The following CADM2 variants were observed in gnomAD, a reference collection of about 807,000 sequenced individuals.
The protein encoded by CADM2 is cell adhesion molecule 2, also known as immunoglobulin superfamily member 4D.
Under a neutral mutation model 49.8 loss-of-function variants are expected in CADM2, and 12 were observed. The ratio of observed to expected loss-of-function variants is 0.24; its 90% CI spans 0.15 to 0.39. The LOEUF (loss-of-function observed/expected upper bound fraction) is 0.39. CADM2 is among the 10% of genes least tolerant of loss of function. The pLI is 1.00. For missense variants in CADM2, 378 were observed against 492.3 expected (o/e 0.77, Z 2.20); for synonymous variants, 214 against 175.4 (o/e 1.22, Z -1.74).
At chr3:86,025,043 T>C (rs2107088787) in intron 8 of CADM2, among the ~76,000 whole-genome samples, 1 of 128,866 alleles carries the variant, frequency 7.8e-6, no homozygotes, top group East Asian at 2.3e-4. Flanking sequence ...TATGCCTGAC[T>C]AGTTGTTTTT....
At chr3:85,027,344 G>A (rs547559381) in intron 1 of CADM2, among the ~76,000 whole-genome samples, 2 of 151,644 alleles carry the variant, frequency 1.3e-5, no homozygotes, top group Admixed American at 6.6e-5. Flanking sequence ...TCAATCTCCG[G>A]ACTTCGTGAT....
At chr3:85,160,908 T>A (rs2107667183) in intron 1 of CADM2, among the ~76,000 whole-genome samples, 1 of 152,286 alleles carries the variant, frequency 6.6e-6, no homozygotes. Flanking sequence ...TTGTACCAAG[T>A]CTTTGACTTG....
chr3:85,771,264 C>A (rs968560395), intron 2 of CADM2, among the ~76,000 whole-genome samples: 1 of 151,996 alleles, frequency 6.6e-6, no homozygotes, highest in Non-Finnish European at 1.5e-5. Flanking sequence ...CTTCTTAAAC[C>A]CATTGGTCAA....
At chr3:85,163,554 C>G (rs1185667990) in intron 1 of CADM2, among the ~76,000 whole-genome samples, 1 of 151,952 alleles carries the variant, frequency 6.6e-6, no homozygotes, top group African/African-American at 2.4e-5. Context: ...GGATTTTACG[C>G]CCTCAGACAA....
intron 1 of CADM2, among the ~76,000 whole-genome samples, chr3:85,298,566 G>A (rs1410174886): frequency 2.0e-5 from 3 of 152,166 alleles, no homozygotes; most frequent in Middle Eastern, 3.4e-3. Context: ...GATTGAGAAA[G>A]GTATTTGAAA....
intron 1 of CADM2, among the ~76,000 whole-genome samples, chr3:85,293,168 A>C (rs1209924120): frequency 6.6e-6 from 1 of 152,188 alleles, no homozygotes; most frequent in Non-Finnish European, 1.5e-5. Flanking sequence ...ACCTCTACGC[A>C]AATAAACTGG....
intron 2 of CADM2, among the ~76,000 whole-genome samples, chr3:85,798,815 A>G (rs1449568291): frequency 1.3e-5 from 2 of 152,072 alleles, no homozygotes; most frequent in African/African-American, 2.4e-5. Context: ...AAGCAAGTCA[A>G]TGGTAGCTTG....
At chr3:85,052,475 G>T (rs2035917323) in intron 1 of CADM2, among the ~76,000 whole-genome samples, 2 of 152,038 alleles carry the variant, frequency 1.3e-5, no homozygotes, top group Non-Finnish European at 2.9e-5. Context: ...TCTATCTGGG[G>T]TCTTTTGATT....
chr3:85,663,415 C>T (rs898507364), intron 1 of CADM2, among the ~76,000 whole-genome samples: 1 of 151,938 alleles, frequency 6.6e-6, no homozygotes, highest in African/African-American at 2.4e-5. Context: ...CTTCACCTTC[C>T]ACATATCTCT....
intron 8 of CADM2, among the ~76,000 whole-genome samples, chr3:86,031,670 T>C (rs1463538784): frequency 6.6e-6 from 1 of 151,768 alleles, no homozygotes; most frequent in Non-Finnish European, 1.5e-5. Context: ...GAATAGCTCA[T>C]AGATATTTTA....
intron 2 of CADM2, among the ~76,000 whole-genome samples, chr3:85,743,341 C>T (rs2068472727): frequency 1.3e-5 from 2 of 152,164 alleles, no homozygotes; most frequent in Non-Finnish European, 2.9e-5. Flanking sequence ...TATCAAGTAG[C>T]ACCTTTCTCC....
chr3:85,180,892 C>T (rs2040919218), intron 1 of CADM2, among the ~76,000 whole-genome samples: 1 of 152,126 alleles, frequency 6.6e-6, no homozygotes, highest in African/African-American at 2.4e-5. Context: ...AGAGACGTGT[C>T]CTTAGGGAAT....
chr3:85,883,587 G>C (rs1713134593), intron 4 of CADM2, 144 bp downstream of exon 4: 2 of 691,940 alleles, frequency 2.9e-6, no homozygotes, highest in Non-Finnish European at 2.1e-6. Context: ...TTTTAACACA[G>C]GCGTTTTAAA....
chr3:85,925,474 T>C (rs1719707750), intron 6 of CADM2, among the ~76,000 whole-genome samples: 1 of 152,196 alleles, frequency 6.6e-6, no homozygotes, highest in Non-Finnish European at 1.5e-5. Flanking sequence ...GTGAGAATTT[T>C]ACTACAGAAT....
At chr3:85,095,224 A>C (rs1034855064) in intron 1 of CADM2, among the ~76,000 whole-genome samples, 1 of 152,190 alleles carries the variant, frequency 6.6e-6, no homozygotes, top group Non-Finnish European at 1.5e-5. Context: ...AGAGATGTGC[A>C]TACACAACAA....
intron 5 of CADM2, among the ~76,000 whole-genome samples, chr3:85,906,760 C>G (rs1394413498): frequency 2.0e-5 from 3 of 152,080 alleles, no homozygotes; most frequent in African/African-American, 7.2e-5. Context: ...TAAAATATAG[C>G]CACTATGTTT....
intron 2 of CADM2, among the ~76,000 whole-genome samples, chr3:85,796,849 C>T (rs561057414): frequency 1.3e-5 from 2 of 152,022 alleles, no homozygotes; most frequent in African/African-American, 2.4e-5. Flanking sequence ...GTAATCCCAG[C>T]ACTTTAAGAG....
intron 8 of CADM2, among the ~76,000 whole-genome samples, chr3:85,969,874 C>T (rs544720002): frequency 1.2e-4 from 18 of 150,888 alleles, no homozygotes; most frequent in African/African-American, 4.1e-4. Context: ...TGAAGCAATA[C>T]ATACACATAT....
At chr3:85,023,996 A>C (rs1029584478) in intron 1 of CADM2, among the ~76,000 whole-genome samples, 3 of 152,118 alleles carry the variant, frequency 2.0e-5, no homozygotes, top group African/African-American at 7.2e-5. Context: ...AATAAGAAAC[A>C]AACTTATCTT....
Sources: gnomAD v4.1 joint callset for allele counts (sites outside exome capture counted in the v4.1 genomes callset) on GRCh38, gnomAD v4.1.1 for gene constraint, MANE v1.5 for transcripts, NCBI Gene and HGNC (gene_info 2026-07-23, HGNC 2026-07-21) for gene names.